The following EYS variants were observed in gnomAD, a reference collection of about 807,000 sequenced individuals.
EYS encodes EGF-like photoreceptor maintenance factor.
Under a neutral mutation model 282.1 loss-of-function variants are expected in EYS, and 250 were observed. The observed-to-expected ratio is 0.89, with a 90% CI of 0.80 to 0.98. The LOEUF (loss-of-function observed/expected upper bound fraction) is 0.98. EYS is among the 50% of genes least tolerant of loss of function. The pLI is 0.00. For synonymous variants in EYS, 1,355 were observed against 1,282.9 expected (o/e 1.06, Z -1.20); for missense variants, 4,016 against 3,709.0 (o/e 1.08, Z -2.15).
In EYS at chr6:65,036,880, C is replaced by T. The variant is rs572375891; in HGVS notation, c.2137+20734G>A. Among the ~76,000 whole-genome samples, 29 of 151,980 alleles carry T rather than the reference C, an allele frequency of 1.9e-4. No individual in the cohort carries two copies. In the South Asian group the frequency reaches 5.8e-3, roughly 30 times the overall value. On this transcript the variant is annotated intron_variant, in intron 13 of 42. Coordinates refer to ENST00000503581, the MANE Select transcript of EYS (RefSeq NM_001142800.2). ...CTGGTGGGAATATAAGTTAGTCCTG[C>T]CGTGGTTAAAAGCAGTTTGGAGACT...
At chr6:65,343,595 G>T (rs1048343660) in intron 10 of EYS, among the ~76,000 whole-genome samples, 2 of 151,098 alleles carry the variant, frequency 1.3e-5, no homozygotes, top group African/African-American at 2.4e-5. Context: ...CTAGAGATTA[G>T]AAATTATTTT....
At chr6:64,761,734 C>T (rs570975316) in intron 22 of EYS, among the ~76,000 whole-genome samples, 20 of 152,210 alleles carry the variant, frequency 1.3e-4, no homozygotes, top group African/African-American at 3.9e-4. Context: ...GGATTACAGG[C>T]GTGAGCCACC....
chr6:65,475,989 AAGTATAACACCTCTTAAG>A (rs1471842128), intron 5 of EYS, among the ~76,000 whole-genome samples: 2 of 152,168 alleles, frequency 1.3e-5, no homozygotes, highest in East Asian at 3.9e-4. Flanking sequence ...TTCATTATAC[AAGTATAACACCTCTTAAG>A]AGCAATTATT....
At chr6:64,948,961 T>G (rs1049220182) in intron 14 of EYS, among the ~76,000 whole-genome samples, 14 of 151,930 alleles carry the variant, frequency 9.2e-5, no homozygotes, top group African/African-American at 2.9e-4. Context: ...TAGTTGTAAA[T>G]GCATAAACTA....
intron 12 of EYS, among the ~76,000 whole-genome samples, chr6:65,217,251 C>T (rs929751287): frequency 1.3e-5 from 2 of 151,992 alleles, no homozygotes; most frequent in African/African-American, 4.8e-5. Context: ...CACTTAATTT[C>T]TTGATTGTTT....
At chr6:64,245,635 G>T (rs74549752) in intron 30 of EYS, among the ~76,000 whole-genome samples, 17 of 152,170 alleles carry the variant, frequency 1.1e-4, no homozygotes, top group Non-Finnish European at 2.2e-4. Context: ...TTGTTCAGCT[G>T]GTTCCTGTCT....
At chr6:64,548,358 G>T (rs1582880843) in intron 26 of EYS, among the ~76,000 whole-genome samples, 1 of 152,180 alleles carries the variant, frequency 6.6e-6, no homozygotes, top group Admixed American at 6.5e-5. Context: ...AAATCATGCT[G>T]CTATAAAGAC....
Position 64,637,944 on chromosome 6 carries a change from CA to C in EYS, c.3444-11700del, listed in dbSNP as rs1374885802. ...AAGAAATTTTTTTGTTCTTTTTTTA[CA>C]GTAGCATGCTATTTCTAGATCACCT... On this transcript the variant is annotated intron_variant, in intron 22 of 42. Transcript: ENST00000503581. Among the ~76,000 whole-genome samples, 5 of 89,570 alleles carry C rather than the reference CA, an allele frequency of 5.6e-5. 2 individuals are homozygous for C. The highest frequency in any genetic ancestry group is 9.5e-4 in the South Asian group (2 of 2,098). 58.8% of individuals were successfully genotyped at this position (89,570 alleles called of 152,430 possible).
intron 22 of EYS, among the ~76,000 whole-genome samples, chr6:64,803,512 C>T (rs1764325503): frequency 6.6e-6 from 1 of 152,174 alleles, no homozygotes; most frequent in Admixed American, 6.5e-5. Flanking sequence ...TGGCCCCATG[C>T]TTCACGCCTT....
chr6:65,289,916 C>T (rs192026690), intron 12 of EYS, among the ~76,000 whole-genome samples: 1 of 151,120 alleles, frequency 6.6e-6, no homozygotes, highest in African/African-American at 2.4e-5. Flanking sequence ...ATTAATGATA[C>T]ATTAACACTG....
intron 41 of EYS, among the ~76,000 whole-genome samples, chr6:63,753,852 A>G (rs564267811): frequency 1.3e-5 from 2 of 152,304 alleles, no homozygotes; most frequent in South Asian, 4.1e-4. Context: ...TTATATATGC[A>G]AGTCCACCCT....
chr6:64,664,774 A>G (rs1321387958), intron 22 of EYS, among the ~76,000 whole-genome samples: 3 of 152,192 alleles, frequency 2.0e-5, no homozygotes, highest in Admixed American at 6.5e-5. Flanking sequence ...GAACTAGAAA[A>G]TGGGTCCCCA....
At chr6:64,979,552 C>CT (rs992689450) in intron 14 of EYS, among the ~76,000 whole-genome samples, 1 of 151,494 alleles carries the variant, frequency 6.6e-6, no homozygotes, top group Non-Finnish European at 1.5e-5. Context: ...AGAGCAGGAC[C>CT]TGTACTCTGG....
chr6:64,449,828 A>T (rs938804189), intron 26 of EYS, among the ~76,000 whole-genome samples: 3 of 152,266 alleles, frequency 2.0e-5, no homozygotes, highest in Middle Eastern at 3.4e-3. Flanking sequence ...TCACCACCAG[A>T]CCTGCCCTAA....
chr6:65,469,934 C>T (rs1250706701), intron 5 of EYS, among the ~76,000 whole-genome samples: 1 of 152,124 alleles, frequency 6.6e-6, no homozygotes, highest in Admixed American at 6.6e-5. Flanking sequence ...AAGAAAAATG[C>T]CCAAGCTTCC....
chr6:65,498,542 G>T (rs962795691), intron 2 of EYS, among the ~76,000 whole-genome samples: 1 of 151,926 alleles, frequency 6.6e-6, no homozygotes, highest in Non-Finnish European at 1.5e-5. Flanking sequence ...TAATCCCATG[G>T]TTCTTAGAGC....
intron 40 of EYS, 36 bp from the exon 41 acceptor site, chr6:63,762,669 T>G: frequency 6.5e-7 from 1 of 1,540,410 alleles, no homozygotes; most frequent in Non-Finnish European, 8.8e-7. Context: ...GTTTGAGCAC[T>G]TGTTTAGAGA....
chr6:65,145,075 A>G (rs541259704), intron 12 of EYS, among the ~76,000 whole-genome samples: 1 of 151,842 alleles, frequency 6.6e-6, no homozygotes, highest in Admixed American at 6.6e-5. Flanking sequence ...CCATTTACTC[A>G]CCTTTTGAAA....
rs557664334 is a variant in EYS, at chr6:65,104,477, A to T, written c.2024-46750T>A. Among the ~76,000 whole-genome samples the T allele has an allele frequency of 2.0e-5, 3 of 151,640 alleles. No homozygotes were observed. The South Asian group carries it at 6.2e-4, about 32-fold the overall frequency. On this transcript the variant is annotated intron_variant, in intron 12 of 42. Coordinates refer to ENST00000503581, the MANE Select transcript of EYS (RefSeq NM_001142800.2). ...TTTTTTGTTGCTTCAAGTCTCTCTT[A>T]CTCATCCTAAATGCAGATGTTGAAA...
Sources: gnomAD v4.1 joint callset for allele counts (sites outside exome capture counted in the v4.1 genomes callset) on GRCh38, gnomAD v4.1.1 for gene constraint, MANE v1.5 for transcripts, NCBI Gene and HGNC (gene_info 2026-07-23, HGNC 2026-07-21) for gene names.